Variants in HDAC9 observed in about 807,000 individuals in gnomAD.
The protein encoded by HDAC9 is histone deacetylase 9.
Under a neutral mutation model 139.4 loss-of-function variants are expected in HDAC9, and 41 were observed. The ratio of observed to expected loss-of-function variants is 0.29; its 90% CI spans 0.23 to 0.38. HDAC9 has a LOEUF of 0.38. Ranked by LOEUF, HDAC9 falls within the 10% of genes least tolerant of loss-of-function variation. The pLI is 1.00. For missense variants in HDAC9, 1,147 were observed against 1,297.0 expected (o/e 0.88, Z 1.78); for synonymous variants, 517 against 476.2 (o/e 1.09, Z -1.12).
intron 1 of HDAC9, among the ~76,000 whole-genome samples, chr7:18,093,650 T>C (rs776902831): frequency 4.6e-5 from 7 of 152,226 alleles, no homozygotes; most frequent in Non-Finnish European, 1.0e-4. Context: ...TATATGTAGA[T>C]TTCTACTATT....
At chr7:18,346,774 C>T (rs1782448131) in intron 1 of HDAC9, among the ~76,000 whole-genome samples, 2 of 152,076 alleles carry the variant, frequency 1.3e-5, no homozygotes, top group South Asian at 2.1e-4. Context: ...TGATGATTCT[C>T]ATCAGTTATA....
At chr7:18,635,498 T>C (rs1354069847) in intron 8 of HDAC9, among the ~76,000 whole-genome samples, 16 of 152,060 alleles carry the variant, frequency 1.1e-4, no homozygotes, top group Admixed American at 1.0e-3. Flanking sequence ...GGAAAGTTAA[T>C]GTAAAAGTCA....
chr7:18,987,550 A>C (rs548286201), intron 25 of HDAC9, among the ~76,000 whole-genome samples: 1,936 of 152,240 alleles, frequency 0.013, 37 homozygotes, highest in African/African-American at 0.042. Flanking sequence ...TGTCTCTGCC[A>C]GGCTTTGGTA....
At position 18,433,690 on chromosome 7, in the gene HDAC9, C is replaced by A. The variant is rs545959184; in HGVS notation, c.-41-62572C>A. On this transcript the variant is annotated intron_variant, in intron 1 of 3. Transcript: ENST00000413509. ...CAATAGACACACACACACACCTCCCCACCCCAGGAATACAACTAACCAGGG... is the reference window on the plus strand; with the variant it reads ...CAATAGACACACACACACACCTCCCAACCCCAGGAATACAACTAACCAGGG... Among the ~76,000 whole-genome samples, 5 of 152,208 alleles carry A rather than the reference C, an allele frequency of 3.3e-5. No homozygotes were observed. In the East Asian group the frequency reaches 7.7e-4, roughly 24 times the overall value.
intron 21 of HDAC9, among the ~76,000 whole-genome samples, chr7:18,859,594 A>C (rs1237618619): frequency 6.6e-6 from 1 of 151,668 alleles, no homozygotes; most frequent in Non-Finnish European, 1.5e-5. Flanking sequence ...CAGAAAGGCC[A>C]CATCAAAAGG....
chr7:18,449,803 AT>A (rs529814974), intron 1 of HDAC9, among the ~76,000 whole-genome samples: 5 of 152,204 alleles, frequency 3.3e-5, no homozygotes, highest in Non-Finnish European at 5.9e-5. Flanking sequence ...CCTCAAGTTT[AT>A]TATAAAATTT....
intron 1 of HDAC9, among the ~76,000 whole-genome samples, chr7:18,136,165 G>C: frequency 2.7e-5 from 4 of 147,078 alleles, no homozygotes; most frequent in African/African-American, 7.8e-5. Flanking sequence ...TTTTTTTCTT[G>C]TAAATTTGTT....
intron 2 of HDAC9, among the ~76,000 whole-genome samples, chr7:18,550,977 C>T (rs1350065349): frequency 6.6e-6 from 1 of 152,186 alleles, no homozygotes; most frequent in Non-Finnish European, 1.5e-5. Context: ...TTATTCTATA[C>T]TCTTAGCTGT....
intron 2 of HDAC9, among the ~76,000 whole-genome samples, chr7:18,534,347 C>T (rs1434902061): frequency 1.3e-5 from 2 of 151,944 alleles, no homozygotes; most frequent in Non-Finnish European, 2.9e-5. Context: ...TTGAGACCAG[C>T]CTGGACAACA....
At position 18,594,028 on chromosome 7, in the gene HDAC9, T is replaced by G; in HGVS notation, c.663T>G (p.Thr221=). ...AGGATGATTTCCCCCTTCGAAAAAC[T>G]GGTAAGTTGGTTTAACAGGAACTCT... ...DAKDDFPLRK[T]ASEPNLKVRS... Residue 221 remains threonine, a splice_region_variant and synonymous_variant, in exon 6 of 26, where the codon ACT becomes ACG. Coordinates refer to ENST00000686413, the MANE Select transcript of HDAC9 (RefSeq NM_178425.4). 5 of 1,612,262 alleles carry G rather than the reference T, an allele frequency of 3.1e-6. No homozygotes were observed. The highest frequency in any genetic ancestry group is 4.2e-6 in the Non-Finnish European group (5 of 1,178,794).
intron 12 of HDAC9, among the ~76,000 whole-genome samples, chr7:18,711,670 G>T (rs1412489856): frequency 6.6e-6 from 1 of 152,192 alleles, no homozygotes; most frequent in Admixed American, 6.5e-5. Context: ...AGTGCAAAGT[G>T]ACTCTTCATT....
chr7:18,796,736 G>C (rs1252264869), intron 17 of HDAC9, among the ~76,000 whole-genome samples: 1 of 152,106 alleles, frequency 6.6e-6, no homozygotes, highest in Non-Finnish European at 1.5e-5. Context: ...TGGTTTTATT[G>C]TTTTATAGGA....
chr7:18,180,489 C>T (rs1287065994), intron 2 of HDAC9, among the ~76,000 whole-genome samples: 1 of 151,938 alleles, frequency 6.6e-6, no homozygotes, highest in Non-Finnish European at 1.5e-5. Context: ...AATTTCCATC[C>T]TGCGGCCATA....
At chr7:18,972,538 G>A (rs759688091) in intron 24 of HDAC9, among the ~76,000 whole-genome samples, 36 of 151,824 alleles carry the variant, frequency 2.4e-4, no homozygotes, top group Non-Finnish European at 4.1e-4. Flanking sequence ...GCACCACCAC[G>A]CCTGGATATT....
At chr7:18,972,720 T>C (rs1784324359) in intron 24 of HDAC9, among the ~76,000 whole-genome samples, 1 of 152,092 alleles carries the variant, frequency 6.6e-6, no homozygotes, top group Non-Finnish European at 1.5e-5. Context: ...ATTAGCCGTG[T>C]CTCCAGTTTT....
At position 18,168,886 on chromosome 7, in the gene HDAC9, T is replaced by G. The variant is rs529073884; in HGVS notation, c.25+6537T>G. ...AGGAGGTGCAAATGTCTTGTTTTTT[T>G]TTTTTTTTTTTTGTGTGTGTGTGTG... On this transcript the variant is annotated intron_variant, in intron 2 of 12. Transcript: ENST00000417496. Among the ~76,000 whole-genome samples, 16 of 109,228 alleles carry G rather than the reference T, an allele frequency of 1.5e-4. No homozygotes were observed. The East Asian group carries it at 3.5e-3, about 24-fold the overall frequency. The allele number at this position is 109,228 out of a possible 152,430, so 71.7% of individuals were successfully genotyped here. A position where few individuals can be genotyped will look rare whatever the true frequency, so the allele number is the denominator to read the frequency against.
intron 1 of HDAC9, among the ~76,000 whole-genome samples, chr7:18,371,631 A>G (rs537525087): frequency 1.3e-5 from 2 of 152,334 alleles, no homozygotes; most frequent in Admixed American, 6.5e-5. Context: ...AGCAGAAACA[A>G]TGGGTGAATT....
intron 1 of HDAC9, among the ~76,000 whole-genome samples, chr7:18,360,610 A>G (rs1011001365): frequency 1.3e-5 from 2 of 152,174 alleles, no homozygotes; most frequent in African/African-American, 2.4e-5. Flanking sequence ...GTCCACTTCA[A>G]TCTCATCTCC....
rs537643540 is a variant in HDAC9 at position 18,894,616 on chromosome 7, T to C, written c.2803+20020T>C. 3.9e-5 allele frequency among the ~76,000 whole-genome samples: 6 copies of C among 152,206 alleles called. No homozygotes were observed. The Middle Eastern group carries it at 0.01, about 259-fold the overall frequency. On this transcript the variant is annotated intron_variant, in intron 22 of 25. Coordinates refer to ENST00000686413, the MANE Select transcript of HDAC9 (RefSeq NM_178425.4). ...AGACTGCACATATAGACTGCTGCTC[T>C]TGAGGAATTTTATTCTAACGGGGAA...
Sources: gnomAD v4.1 joint callset for allele counts (sites outside exome capture counted in the v4.1 genomes callset) on GRCh38, gnomAD v4.1.1 for gene constraint, MANE v1.5 for transcripts, NCBI Gene and HGNC (gene_info 2026-07-23, HGNC 2026-07-21) for gene names.